OSBPL6: variants seen among roughly 807,000 people sequenced by gnomAD.
OSBPL6 encodes the protein oxysterol binding protein like 6, also known as oxysterol-binding protein-related protein 6.
A neutral mutation model predicts 125.8 loss-of-function variants in OSBPL6; 49 were observed. The ratio of observed to expected loss-of-function variants is 0.39; its 90% confidence interval spans 0.31 to 0.49. OSBPL6 has a LOEUF of 0.49. Among genes scored for constraint, OSBPL6 ranks in the 20% least tolerant of loss-of-function variants. The pLI is 0.88. For missense variants in OSBPL6, 986 were observed against 1,135.4 expected (o/e 0.87, Z 1.89); for synonymous variants, 394 against 391.8 (o/e 1.01, Z -0.07).
chr2:178,263,720 T>C (rs1157471269), intron 1 of OSBPL6, among the ~76,000 whole-genome samples: 1 of 151,954 alleles, frequency 6.6e-6, no homozygotes, highest in Non-Finnish European at 1.5e-5. Context: ...AAACGTGTGC[T>C]TGGGGACATG....
upstream of OSBPL6, among the ~76,000 whole-genome samples, chr2:178,194,201 G>A (rs901965113): frequency 1.3e-5 from 2 of 152,190 alleles, no homozygotes; most frequent in South Asian, 4.1e-4. Context: ...TTCCACTGCG[G>A]GTGATCTCGG....
intron 2 of OSBPL6, among the ~76,000 whole-genome samples, chr2:178,304,094 C>T (rs1421633157): frequency 1.3e-5 from 2 of 152,254 alleles, no homozygotes; most frequent in Non-Finnish European, 2.9e-5. Context: ...AATCAAGGCA[C>T]CAGCAGGTTA....
Position 178,349,255 on chromosome 2 carries a change from G to A in OSBPL6, c.1019G>A (p.Arg340His), listed in dbSNP as rs778734888. The change falls in exon 12 of 25, where the codon CGC becomes CAC. Residue 340 changes from arginine to histidine, a missense_variant. Transcript: ENST00000190611. ...TTCAGTGCTACCATGTCACCAGTTC[G>A]CTTGCATTCCTCCAACCCCAACCTT... is the stretch of plus-strand genomic sequence containing the variant. The part of the protein sequence containing the change: ...VPFSATMSPV[R>H]LHSSNPNLCA... The A allele has an allele frequency of 1.9e-5, 31 of 1,613,836 alleles. No homozygotes were observed. Among genetic ancestry groups the A allele is most frequent in the East Asian group, 1.8e-4 (8 of 44,888 alleles).
chr2:178,199,686 C>T (rs1170213092), intron 1 of OSBPL6, among the ~76,000 whole-genome samples: 2 of 151,720 alleles, frequency 1.3e-5, no homozygotes, highest in East Asian at 3.9e-4. Context: ...TTAACTCCCA[C>T]ATCACATAGC....
chr2:178,261,888 A>G lies in OSBPL6; in HGVS notation c.-350-23039A>G, dbSNP rs190962548. ...GATATTCAGTGTATGAATATAAGAC[A>G]AGATTGGCTGGGTACAAACCCCTCA... On this transcript the variant is annotated intron_variant, in intron 1 of 24. Transcript: ENST00000190611. 1.0e-3 allele frequency among the ~76,000 whole-genome samples: 158 copies of G among 152,336 alleles called. 2 individuals carry two copies. The highest frequency in any genetic ancestry group is 3.7e-3 in the African/African-American group (153 of 41,592).
At chr2:178,213,902 A>G (rs2089976934) in intron 1 of OSBPL6, among the ~76,000 whole-genome samples, 1 of 151,846 alleles carries the variant, frequency 6.6e-6, no homozygotes, top group Non-Finnish European at 1.5e-5. Flanking sequence ...TGCCCTTCTC[A>G]TCTTCAGTGT....
intron 1 of OSBPL6, among the ~76,000 whole-genome samples, chr2:178,235,393 CTTTTCTTTTTTTT>C (rs1292107457): frequency 1.1e-4 from 7 of 64,536 alleles, no homozygotes; most frequent in East Asian, 4.1e-4. Flanking sequence ...TTTTTCTTTT[CTTTTCTTTTTTTT>C]TTTTTTTTTT....
Position 178,339,052 on chromosome 2 carries a change from A to G in OSBPL6, c.852A>G (p.Ile284Met). 6.2e-7 allele frequency: 1 copy of G among 1,613,458 alleles called. No homozygotes were observed. The highest frequency in any genetic ancestry group is 8.5e-7 in the Non-Finnish European group (1 of 1,179,594). ...ELSKLLQNLEILQRTQSAPNF... is the reference protein window; with the variant it reads ...ELSKLLQNLEMLQRTQSAPNF... ...GCAAACTCCTGCAAAATTTGGAAATACTTCAGAGAACTCAGTCGGCACCTA... is the reference window on the plus strand; with the variant it reads ...GCAAACTCCTGCAAAATTTGGAAATGCTTCAGAGAACTCAGTCGGCACCTA... The change falls in exon 10 of 25, where the codon ATA (isoleucine) becomes ATG (methionine). Residue 284 changes from isoleucine to methionine, a missense_variant. Physicochemically the swap from Ile to Met is conservative, Grantham distance 10 (BLOSUM62 1). Around this residue, in one of 3 missense-constraint regions of OSBPL6, gnomAD observed 843 missense variants for 997.3 expected, o/e 0.85. Transcript: ENST00000190611.
In OSBPL6 at chr2:178,249,158, T is replaced by G. The variant is rs2091596525; in HGVS notation, c.-350-35769T>G. On this transcript the variant is annotated intron_variant, in intron 1 of 24. Transcript: ENST00000190611. ...TTTCACCATGTTGGCCAGGCTGGTCTTGAACTCCTGGCCTCAAGCAATCCA... is the reference window on the plus strand; with the variant it reads ...TTTCACCATGTTGGCCAGGCTGGTCGTGAACTCCTGGCCTCAAGCAATCCA... 4.6e-5 allele frequency among the ~76,000 whole-genome samples: 7 copies of G among 152,326 alleles called. No individual in the cohort carries two copies. In the East Asian group the frequency reaches 7.7e-4, roughly 17 times the overall value.
chr2:178,377,347 C>G (rs1693973964), intron 15 of OSBPL6, among the ~76,000 whole-genome samples: 1 of 152,190 alleles, frequency 6.6e-6, no homozygotes, highest in Non-Finnish European at 1.5e-5. Flanking sequence ...CACTCACGAT[C>G]AGGAAGACAG....
intron 16 of OSBPL6, chr2:178,382,785 C>G: frequency 7.0e-7 from 1 of 1,419,086 alleles, no homozygotes; most frequent in Non-Finnish European, 9.2e-7. Flanking sequence ...TAAAACTTAG[C>G]CTGTCTTGTC....
chr2:178,317,768 G>GT (rs1687890350), intron 3 of OSBPL6, among the ~76,000 whole-genome samples: 1 of 150,962 alleles, frequency 6.6e-6, no homozygotes, highest in Non-Finnish European at 1.5e-5. Context: ...GCAAAATCAC[G>GT]TAAGTGATTA....
chr2:178,197,710 A>G (rs2088988725), intron 1 of OSBPL6, among the ~76,000 whole-genome samples: 1 of 152,196 alleles, frequency 6.6e-6, no homozygotes, highest in African/African-American at 2.4e-5. Flanking sequence ...ATTACACTGT[A>G]TTTACCTATT....
Position 178,400,479 on chromosome 2 carries a change from G to A in OSBPL6, c.*4920G>A, listed in dbSNP as rs956275641. The A allele has an allele frequency of 6.6e-6, 1 of 151,958 alleles. No individual in the cohort carries two copies. The highest frequency in any genetic ancestry group is 2.4e-5 in the African/African-American group (1 of 41,380). The allele number at this position is 151,958 out of a possible 1,614,324, so 9.4% of individuals were successfully genotyped here. On this transcript the variant is annotated 3_prime_UTR_variant, in exon 25 of 25. Transcript: ENST00000190611. ...TTTTGTATTTTAGTTAGAGACGGGG[G>A]TTTTGCCATGTTGGCCAGGCTGGTC...
intron 1 of OSBPL6, among the ~76,000 whole-genome samples, chr2:178,281,831 G>T (rs1309139998): frequency 2.0e-5 from 3 of 152,064 alleles, no homozygotes; most frequent in African/African-American, 7.2e-5. Flanking sequence ...AGCATCAGGA[G>T]AAATAGCTAA....
intron 1 of OSBPL6, among the ~76,000 whole-genome samples, chr2:178,275,798 G>A (rs1165540815): frequency 6.6e-6 from 1 of 151,968 alleles, no homozygotes; most frequent in Non-Finnish European, 1.5e-5. Context: ...GGAAGCAGCA[G>A]CAGCAGCAGA....
chr2:178,293,238 GT>G (rs1683361256), intron 2 of OSBPL6, among the ~76,000 whole-genome samples: 1 of 152,082 alleles, frequency 6.6e-6, no homozygotes, highest in Non-Finnish European at 1.5e-5. Flanking sequence ...CAAGTACAGT[GT>G]TGCTTAGATT....
intron 1 of OSBPL6, among the ~76,000 whole-genome samples, chr2:178,235,355 C>CT (rs756549347): frequency 0.015 from 1,403 of 95,260 alleles, 18 homozygotes; most frequent in African/African-American, 0.034. Flanking sequence ...TATACAATTT[C>CT]TTTTTTTTTT....
intron 1 of OSBPL6, among the ~76,000 whole-genome samples, chr2:178,205,681 C>T (rs940227220): frequency 2.6e-5 from 4 of 152,002 alleles, no homozygotes; most frequent in African/African-American, 4.8e-5. Flanking sequence ...AGATATTTCC[C>T]GTATATATGC....
Sources: gnomAD v4.1 joint callset for allele counts (sites outside exome capture counted in the v4.1 genomes callset) on GRCh38, gnomAD v4.1.1 for gene constraint, gnomAD v4.1.1 regional missense constraint, MANE v1.5 for transcripts, NCBI Gene and HGNC (gene_info 2026-07-23, HGNC 2026-07-21) for gene names.